The following SLC24A4 variants were observed in gnomAD, a reference collection of about 807,000 sequenced individuals.
SLC24A4 encodes the protein solute carrier family 24 member 4, also known as sodium/potassium/calcium exchanger 4.
A neutral mutation model predicts 79.0 loss-of-function variants in SLC24A4; 53 were observed. The observed-to-expected ratio is 0.67, with a 90% confidence interval of 0.54 to 0.84. The LOEUF is 0.84. Among genes scored for constraint, SLC24A4 ranks in the 40% least tolerant of loss-of-function variants. The pLI, the probability that SLC24A4 is intolerant of heterozygous loss-of-function variation, is 0.00. For synonymous variants in SLC24A4, 323 were observed against 323.8 expected, an observed-to-expected ratio of 1.00 and a Z score of 0.03; for missense variants, 731 against 822.0, an observed-to-expected ratio of 0.89 and a Z score of 1.35.
chr14:92,402,000 C>G (rs1890141163), intron 2 of SLC24A4, among the ~76,000 whole-genome samples: 1 of 152,118 alleles, frequency 6.6e-6, no homozygotes, highest in South Asian at 2.1e-4. Flanking sequence ...GTATCTAAGC[C>G]CTTTACCTGA....
intron 2 of SLC24A4, among the ~76,000 whole-genome samples, chr14:92,334,985 G>T (rs1312946484): frequency 6.6e-6 from 1 of 152,082 alleles, no homozygotes; most frequent in African/African-American, 2.4e-5. Flanking sequence ...CTTTTCAGGG[G>T]TTACTTGCTT....
At chr14:92,465,736 G>A (rs1317338143) in intron 12 of SLC24A4, among the ~76,000 whole-genome samples, 1 of 150,276 alleles carries the variant, frequency 6.7e-6, no homozygotes, top group African/African-American at 2.5e-5. Flanking sequence ...GCCTCCCCTA[G>A]GAAGGCCCCC....
intron 2 of SLC24A4, among the ~76,000 whole-genome samples, chr14:92,387,474 G>A (rs902418429): frequency 6.6e-6 from 1 of 152,192 alleles, no homozygotes; most frequent in Non-Finnish European, 1.5e-5. Context: ...ACCATGCCCG[G>A]CCAGGAGTAT....
Position 92,493,548 on chromosome 14 carries a change from ATCT to A in SLC24A4, c.1794_1796del (p.Phe598del). 2.5e-6 allele frequency: 4 copies of A among 1,614,144 alleles called. No homozygotes were observed. Among genetic ancestry groups the A allele is most frequent in the Non-Finnish European group, 3.4e-6 (4 of 1,180,006 alleles). On this transcript the variant is annotated inframe_deletion, in exon 17 of 17. Transcript: ENST00000532405. Reference sequence around the variant, plus strand: ...TGTCTACGTGCTGGTTCTCTACGCCATCTTCTTGTGCTTCTCCATAATGATAGA... The same window carrying A: ...TGTCTACGTGCTGGTTCTCTACGCCATCTTGTGCTTCTCCATAATGATAGA...
intron 2 of SLC24A4, among the ~76,000 whole-genome samples, chr14:92,341,420 T>A (rs1886134967): frequency 6.6e-6 from 1 of 152,064 alleles, no homozygotes; most frequent in South Asian, 2.1e-4. Context: ...CAGAAAGAGG[T>A]GGAAACTCCC....
intron 2 of SLC24A4, among the ~76,000 whole-genome samples, chr14:92,415,753 C>T (rs183718602): frequency 5.3e-5 from 8 of 152,132 alleles, no homozygotes; most frequent in African/African-American, 1.2e-4. Context: ...CCACTGCGCC[C>T]GGCCTCTATG....
chr14:92,351,023 C>T (rs892254676), intron 2 of SLC24A4, among the ~76,000 whole-genome samples: 1 of 152,162 alleles, frequency 6.6e-6, no homozygotes, highest in Non-Finnish European at 1.5e-5. Context: ...CAGAACCCAA[C>T]TATATTGGCA....
chr14:92,376,102 G>A (rs1301828779), intron 2 of SLC24A4, among the ~76,000 whole-genome samples: 1 of 149,212 alleles, frequency 6.7e-6, no homozygotes, highest in African/African-American at 2.6e-5. Context: ...AAATGAGTTG[G>A]GGAGGATCTG....
chr14:92,465,639 G>T, intron 12 of SLC24A4, among the ~76,000 whole-genome samples: 1 of 151,830 alleles, frequency 6.6e-6, no homozygotes, highest in African/African-American at 2.4e-5. Context: ...CCCTCCCCAC[G>T]AGGGCAGCTG....
chr14:92,468,310 C>A (rs1160360883), intron 12 of SLC24A4, among the ~76,000 whole-genome samples: 4 of 152,166 alleles, frequency 2.6e-5, no homozygotes, highest in Non-Finnish European at 5.9e-5. Context: ...GGTTAGAAGA[C>A]TTAACGTTTT....
chr14:92,465,898 C>A lies in SLC24A4; in HGVS notation c.1255+9290C>A, dbSNP rs191645317. Among the ~76,000 whole-genome samples, 3 of 152,280 alleles carry A rather than the reference C, an allele frequency of 2.0e-5. No homozygotes were observed. In the East Asian group the frequency reaches 5.8e-4, roughly 29 times the overall value. Reference sequence around the variant, plus strand: ...GGGCCTGCCTCTGACTTTGCTGATACCTGATGTTTTTCCTCACATCATCCC... The same window carrying A: ...GGGCCTGCCTCTGACTTTGCTGATAACTGATGTTTTTCCTCACATCATCCC... On this transcript the variant is annotated intron_variant, in intron 12 of 16. Transcript: ENST00000532405.
chr14:92,390,805 C>T (rs556912066), intron 2 of SLC24A4, among the ~76,000 whole-genome samples: 4 of 152,274 alleles, frequency 2.6e-5, no homozygotes, highest in African/African-American at 9.6e-5. Context: ...GTGACCAGGA[C>T]GATGGTGTAG....
In SLC24A4 at chr14:92,460,038, G is replaced by T. The variant is rs562412106; in HGVS notation, c.1255+3430G>T. ...CCAGGGGAGGAATCACAGGGCCAGG[G>T]GCCGCGGGAAGAGGGGGAAGCCACC... On this transcript the variant is annotated intron_variant, in intron 12 of 16. Coordinates refer to ENST00000532405, the MANE Select transcript of SLC24A4 (RefSeq NM_153646.4). Among the ~76,000 whole-genome samples the T allele has an allele frequency of 2.6e-5, 4 of 152,276 alleles. No individual in the cohort carries two copies. In the East Asian group the frequency reaches 7.7e-4, roughly 29 times the overall value.
At chr14:92,388,537 C>G (rs747889290) in intron 2 of SLC24A4, among the ~76,000 whole-genome samples, 1 of 152,238 alleles carries the variant, frequency 6.6e-6, no homozygotes, top group Non-Finnish European at 1.5e-5. Context: ...ACTTAGCTGC[C>G]CACGGCCTGG....
In SLC24A4 at chr14:92,449,197, C is replaced by G. The variant is rs374763038; in HGVS notation, c.861C>G (p.Ser287=). 1.2e-6 allele frequency: 2 copies of G among 1,613,980 alleles called. No individual in the cohort carries two copies. Among genetic ancestry groups the G allele is most frequent in the African/African-American group, 2.7e-5 (2 of 74,998 alleles). The change falls in exon 10 of 17, where the codon TCC becomes TCG. Residue 287 remains serine, a synonymous_variant. Transcript: ENST00000532405. The stretch of plus-strand genomic sequence containing the variant: ...ATGACGGTAGCTATGATGACCCTTC[C>G]GTGCCATTGCTGGGGCAAGGTAAGG... The part of the protein sequence containing the change: ...DFYDGSYDDP[S]VPLLGQVKEK...
At chr14:92,378,996 A>G (rs376574739) in intron 2 of SLC24A4, among the ~76,000 whole-genome samples, 36 of 152,342 alleles carry the variant, frequency 2.4e-4, no homozygotes, top group African/African-American at 8.7e-4. Context: ...CAGGAGTTCA[A>G]GGCTGCAATG....
chr14:92,441,311 C>T lies in SLC24A4; in HGVS notation c.394-778C>T, dbSNP rs761839713. On this transcript the variant is annotated intron_variant, in intron 4 of 16. Coordinates refer to ENST00000532405, the MANE Select transcript of SLC24A4 (RefSeq NM_153646.4). This position sits in a 1 kb window ranked among gnomAD's most constrained non-coding sequence, Gnocchi z 4.6. ...TTCTCCAAACATCCAAAGCCTCCAG[C>T]GCTGCATTTCGGATCAGAGGATGGG... Among the ~76,000 whole-genome samples the T allele has an allele frequency of 1.3e-5, 2 of 152,200 alleles. No individual in the cohort carries two copies. Among genetic ancestry groups the T allele is most frequent in the Non-Finnish European group, 2.9e-5 (2 of 68,038 alleles).
intron 2 of SLC24A4, among the ~76,000 whole-genome samples, chr14:92,399,281 C>T (rs528754034): frequency 5.9e-5 from 9 of 152,118 alleles, no homozygotes; most frequent in African/African-American, 1.7e-4. Context: ...CCGAGTCTCA[C>T]CTTGATTTTG....
chr14:92,344,270 C>T (rs566094043), intron 2 of SLC24A4, among the ~76,000 whole-genome samples: 2 of 152,348 alleles, frequency 1.3e-5, no homozygotes, highest in African/African-American at 4.8e-5. Flanking sequence ...GGCACTTCTC[C>T]TTCTGCCTGG....
Sources: gnomAD v4.1 joint callset for allele counts (sites outside exome capture counted in the v4.1 genomes callset) on GRCh38, gnomAD v4.1.1 for gene constraint, Gnocchi (gnomAD v3.1) non-coding constraint, MANE v1.5 for transcripts, NCBI Gene and HGNC (gene_info 2026-07-23, HGNC 2026-07-21) for gene names.